DSCAM: variants seen among roughly 807,000 people sequenced by gnomAD.
DSCAM encodes DS cell adhesion molecule.
In DSCAM, 47 loss-of-function variants were observed where a neutral mutation model predicts 217.7. That is an observed-to-expected ratio of 0.22 (90% CI 0.17 to 0.28). The LOEUF (loss-of-function observed/expected upper bound fraction) is 0.28. Among genes scored for constraint, DSCAM ranks in the 10% least tolerant of loss-of-function variants. The pLI is 1.00. For missense variants in DSCAM, 2,080 were observed against 2,618.3 expected, an observed-to-expected ratio of 0.79 and a Z score of 4.49; for synonymous variants, 1,056 against 1,015.3, an observed-to-expected ratio of 1.04 and a Z score of -0.76.
chr21:40,564,724 T>C (rs62223582), intron 3 of DSCAM, among the ~76,000 whole-genome samples: 10,015 of 152,290 alleles, frequency 0.066, 384 homozygotes, highest in South Asian at 0.16. Context: ...GACCCTTCTG[T>C]GTCCTATTCT....
At chr21:40,818,529 C>G (rs2091901634) in intron 1 of DSCAM, among the ~76,000 whole-genome samples, 1 of 116,920 alleles carries the variant, frequency 8.6e-6, no homozygotes, top group East Asian at 2.8e-4. Flanking sequence ...CTGGGCTACA[C>G]AGCCAGACTC....
At chr21:40,257,173 T>A (rs1365513072) in intron 11 of DSCAM, among the ~76,000 whole-genome samples, 1 of 152,148 alleles carries the variant, frequency 6.6e-6, no homozygotes, top group Non-Finnish European at 1.5e-5. Flanking sequence ...CAGGAACCCC[T>A]CATACAGGAT....
chr21:40,188,064 CTCTT>C (rs2090914479), intron 12 of DSCAM, 77 bp from the exon 13 acceptor site: 2 of 1,065,684 alleles, frequency 1.9e-6, no homozygotes, highest in Non-Finnish European at 2.8e-6. Context: ...TCTCTCTCCA[CTCTT>C]TCAGTTCTCC....
chr21:40,642,761 A>AT (rs908379344), intron 3 of DSCAM, among the ~76,000 whole-genome samples: 61 of 151,790 alleles, frequency 4.0e-4, no homozygotes, highest in African/African-American at 1.4e-3. Context: ...TTTTTATTTT[A>AT]TTTTTTTAGT....
chr21:40,336,885 TTAAA>T (rs2074434825), intron 8 of DSCAM, among the ~76,000 whole-genome samples: 1 of 152,150 alleles, frequency 6.6e-6, no homozygotes. Flanking sequence ...TAAATGAGGA[TTAAA>T]TAAATAAACA....
chr21:40,466,583 CTGTT>C (rs562172765), intron 3 of DSCAM, among the ~76,000 whole-genome samples: 110 of 151,370 alleles, frequency 7.3e-4, no homozygotes, highest in African/African-American at 2.3e-3. Flanking sequence ...GGACTTGAAA[CTGTT>C]TGTTTGTTTT....
chr21:40,707,251 C>T (rs1288682419), intron 2 of DSCAM, among the ~76,000 whole-genome samples: 1 of 152,152 alleles, frequency 6.6e-6, no homozygotes, highest in East Asian at 1.9e-4. Flanking sequence ...GCAGTCTTCC[C>T]AGTAAAAGTC....
chr21:40,495,523 GA>G (rs1362502491), intron 3 of DSCAM, among the ~76,000 whole-genome samples: 4 of 152,116 alleles, frequency 2.6e-5, no homozygotes, highest in Non-Finnish European at 4.4e-5. Flanking sequence ...GGTATAGAAA[GA>G]ATGTTGCTCA....
chr21:40,509,704 C>T (rs1481141188), intron 3 of DSCAM, among the ~76,000 whole-genome samples: 2 of 152,200 alleles, frequency 1.3e-5, no homozygotes, highest in Non-Finnish European at 2.9e-5. Context: ...CATTAAAAAA[C>T]AGGAACGAGG....
chr21:40,283,649 A>AG (rs1433537101), intron 10 of DSCAM, among the ~76,000 whole-genome samples: 1 of 152,202 alleles, frequency 6.6e-6, no homozygotes, highest in Non-Finnish European at 1.5e-5. Flanking sequence ...CAAAAGGGTT[A>AG]GGTTCTCATG....
At chr21:40,252,890 G>A (rs895188560) in intron 11 of DSCAM, among the ~76,000 whole-genome samples, 1 of 152,210 alleles carries the variant, frequency 6.6e-6, no homozygotes, top group East Asian at 1.9e-4. Flanking sequence ...TGGGTTACTA[G>A]AGAGTGCTAA....
chr21:40,358,073 T>C (rs1167638436), intron 4 of DSCAM, among the ~76,000 whole-genome samples: 1 of 152,140 alleles, frequency 6.6e-6, no homozygotes, highest in African/African-American at 2.4e-5. Flanking sequence ...CAGGGGTGGC[T>C]GACAATAAAC....
chr21:40,117,554 A>C (rs1456194213), intron 20 of DSCAM, among the ~76,000 whole-genome samples: 1 of 152,226 alleles, frequency 6.6e-6, no homozygotes, highest in East Asian at 1.9e-4. Context: ...TAAGGTAGTC[A>C]CCAGAATTAA....
intron 19 of DSCAM, among the ~76,000 whole-genome samples, chr21:40,124,915 G>T (rs762336555): frequency 1.2e-4 from 19 of 152,126 alleles, no homozygotes; most frequent in Non-Finnish European, 2.4e-4. Flanking sequence ...GCAACTTCCT[G>T]CCTCTGGATA....
chr21:40,155,042 T>C (rs2090461518), intron 16 of DSCAM, among the ~76,000 whole-genome samples: 1 of 152,180 alleles, frequency 6.6e-6, no homozygotes. Context: ...ATTTCTAAAG[T>C]GTAGGACAGC....
At chr21:40,431,945 G>A (rs9981495) in intron 3 of DSCAM, among the ~76,000 whole-genome samples, 103,931 of 152,066 alleles carry the variant, frequency 0.68, 35,967 homozygotes, top group Middle Eastern at 0.8. Context: ...TATGCCTGTA[G>A]TCCCAGCACT....
chr21:40,699,080 A>G (rs906173425), intron 2 of DSCAM, among the ~76,000 whole-genome samples: 1 of 151,684 alleles, frequency 6.6e-6, no homozygotes, highest in African/African-American at 2.4e-5. Flanking sequence ...AGCAGCATGA[A>G]CTCACTTTGT....
chr21:40,423,230 T>C (rs569217756), intron 3 of DSCAM, among the ~76,000 whole-genome samples: 6 of 152,372 alleles, frequency 3.9e-5, no homozygotes, highest in Non-Finnish European at 7.3e-5. Context: ...ACAGCAAATA[T>C]ATTCATTCCC....
chr21:40,092,699 G>T (rs188417532), intron 21 of DSCAM, among the ~76,000 whole-genome samples: 2 of 152,276 alleles, frequency 1.3e-5, no homozygotes, highest in East Asian at 3.9e-4. Flanking sequence ...AAATCCCACA[G>T]CTCAGTCCTT....
Sources: allele counts gnomAD v4.1 joint callset (sites outside exome capture counted in the v4.1 genomes callset), GRCh38; gene constraint gnomAD v4.1.1; transcripts MANE v1.5; gene names NCBI Gene and HGNC (gene_info 2026-07-23, HGNC 2026-07-21).